CC2D1A: variants seen among roughly 807,000 people sequenced by gnomAD.
CC2D1A encodes the protein coiled-coil and C2 domain containing 1A.
A neutral mutation model predicts 123.8 loss-of-function variants in CC2D1A; 68 were observed. The ratio of observed to expected loss-of-function variants is 0.55; its 90% confidence interval spans 0.45 to 0.67. CC2D1A has a LOEUF of 0.67. Ranked by LOEUF, CC2D1A falls within the 30% of genes least tolerant of loss-of-function variation. The pLI, the probability that CC2D1A is intolerant of heterozygous loss-of-function variation, is 0.00. For missense variants in CC2D1A, 1,185 were observed against 1,290.3 expected (o/e 0.92, Z 1.25); for synonymous variants, 477 against 528.0 (o/e 0.90, Z 1.32).
At position 13,923,194 on chromosome 19, in the gene CC2D1A, A is replaced by G. The variant is rs1945577543; in HGVS notation, c.1642-139A>G. 2.4e-6 allele frequency: 2 copies of G among 847,674 alleles called. No individual in the cohort carries two copies. Among genetic ancestry groups the G allele is most frequent in the Admixed American group, 6.0e-5 (2 of 33,424 alleles). 52.5% of individuals were successfully genotyped at this position (847,674 alleles called of 1,614,324 possible). ...GGCAACAGAGCGAGACTCCATCTCAAAAAAAAAAAAAGACCAGAGAAGGGT... is the reference window on the plus strand; with the variant it reads ...GGCAACAGAGCGAGACTCCATCTCAGAAAAAAAAAAAGACCAGAGAAGGGT... On this transcript the variant is annotated intron_variant, in intron 14 of 28. Transcript: ENST00000318003. This position sits in a 1 kb window ranked among gnomAD's most constrained non-coding sequence, Gnocchi z 5.3.
Position 13,918,784 on chromosome 19 carries a change from C to A in CC2D1A, c.985C>A (p.Pro329Thr). 2 of 1,613,486 alleles carry A rather than the reference C, an allele frequency of 1.2e-6. No homozygotes were observed. Among genetic ancestry groups the A allele is most frequent in the Non-Finnish European group, 1.7e-6 (2 of 1,179,742 alleles). The change falls in exon 9 of 29, where the codon CCT becomes ACT. Residue 329 changes from proline to threonine, a missense_variant. Pro to Thr is a conservative substitution (Grantham distance 38). Coordinates refer to ENST00000318003, the MANE Select transcript of CC2D1A (RefSeq NM_017721.5). ...PPDPPSPPSQ[P>T]PTPATAPSTT... The stretch of plus-strand genomic sequence containing the variant: ...AGACCCACCGTCACCACCGTCGCAG[C>A]CTCCGACCCCCGCTACGGCGCCCTC...
chr19:13,927,783 G>C, intron 22 of CC2D1A, 110 bp from the exon 23 acceptor site: 1 of 890,474 alleles, frequency 1.1e-6, no homozygotes, highest in South Asian at 1.9e-5. Flanking sequence ...CTCTATCTCA[G>C]AAAAAAAAAA....
chr19:13,923,518 C>G lies in CC2D1A; in HGVS notation c.1765-30C>G. On this transcript the variant is annotated intron_variant, in intron 15 of 28. Transcript: ENST00000318003. This position sits in a 1 kb window ranked among gnomAD's most constrained non-coding sequence, Gnocchi z 5.3. ...GACCCTCCTTCCCCTCTCTTCCCTTCCCTCGACTCACTGCCTTCTGTTTCC... is the reference window on the plus strand; with the variant it reads ...GACCCTCCTTCCCCTCTCTTCCCTTGCCTCGACTCACTGCCTTCTGTTTCC... 1 of 1,614,014 alleles carries G rather than the reference C, an allele frequency of 6.2e-7. No individual in the cohort carries two copies. The highest frequency in any genetic ancestry group is 8.5e-7 in the Non-Finnish European group (1 of 1,179,928).
rs773832565 is a variant in CC2D1A, at chr19:13,919,967, C to T, written c.1356+16C>T. 36 of 1,604,324 alleles carry T rather than the reference C, an allele frequency of 2.2e-5. No individual in the cohort carries two copies. Among genetic ancestry groups the T allele is most frequent in the Non-Finnish European group, 2.8e-5 (33 of 1,174,900 alleles). On this transcript the variant is annotated intron_variant, in intron 12 of 28. Transcript: ENST00000318003. The stretch of plus-strand genomic sequence containing the variant: ...GCCTAAGAAGGTTTGAGGGTTGGGG[C>T]CGGGCGCAGTGGCTCACACCTGTAG...
intron 8 of CC2D1A, 56 bp from the exon 9 acceptor site, chr19:13,918,690 C>A: frequency 1.3e-6 from 2 of 1,587,814 alleles, no homozygotes; most frequent in Non-Finnish European, 8.6e-7. Flanking sequence ...GCCAGACCAG[C>A]TTGTCGGGGG....
chr19:13,921,286 C>T (rs1310911665), intron 14 of CC2D1A, among the ~76,000 whole-genome samples: 1 of 152,182 alleles, frequency 6.6e-6, no homozygotes, highest in East Asian at 1.9e-4. Context: ...TATTGCTTGT[C>T]TCCCATTGGC....
Position 13,913,475 on chromosome 19 carries a change from G to T in CC2D1A, c.585G>T (p.Val195=). 1 of 1,614,214 alleles carries T rather than the reference G, an allele frequency of 6.2e-7. No homozygotes were observed. Among genetic ancestry groups the T allele is most frequent in the Non-Finnish European group, 8.5e-7 (1 of 1,180,046 alleles). ...AIDEADIPPP[V]AIGKGPASTP... ...ACGAAGCGGACATCCCGCCGCCAGT[G>T]GCCATAGGAAAAGGCCCGGCGTCCA... The change falls in exon 6 of 29, where the codon GTG becomes GTT. Residue 195 remains valine, a synonymous_variant. Transcript: ENST00000318003.
At chr19:13,915,982 G>C (rs1007321002) in intron 6 of CC2D1A, among the ~76,000 whole-genome samples, 1 of 152,128 alleles carries the variant, frequency 6.6e-6, no homozygotes, top group South Asian at 2.1e-4. Flanking sequence ...GGGGCTGGGC[G>C]TGGTGGTTCA....
chr19:13,925,475 G>A (rs1315969290), intron 17 of CC2D1A, among the ~76,000 whole-genome samples: 1 of 152,066 alleles, frequency 6.6e-6, no homozygotes, highest in African/African-American at 2.4e-5. Context: ...ACCTTCTTAG[G>A]AGGCTGAGGC....
Position 13,919,722 on chromosome 19 carries a change from C to T in CC2D1A, c.1223-96C>T. ...AATTAAAAAAAGTAAAGGCCCAAGA[C>T]TCTATAGGTGGGAGAGGAATCTGCA... is the stretch of plus-strand genomic sequence containing the variant. On this transcript the variant is annotated intron_variant, in intron 11 of 28. Transcript: ENST00000318003. 4 of 1,310,360 alleles carry T rather than the reference C, an allele frequency of 3.1e-6. No homozygotes were observed. In the Admixed American group the frequency reaches 9.6e-5, roughly 31 times the overall value. 81.2% of individuals were successfully genotyped at this position (1,310,360 alleles called of 1,614,324 possible).
At position 13,912,373 on chromosome 19, in the gene CC2D1A, G is replaced by A; in HGVS notation, c.247G>A (p.Asp83Asn). ...IEKMASLCMRDPDEDEEEGTD... is the reference protein window; with the variant it reads ...IEKMASLCMRNPDEDEEEGTD... Reference sequence around the variant, plus strand: ...GAAGATGGCCAGCCTGTGCATGAGAGACCCGGATGAGGATGAGGAGGAGGG... The same window carrying A: ...GAAGATGGCCAGCCTGTGCATGAGAAACCCGGATGAGGATGAGGAGGAGGG... The change falls in exon 3 of 29, where the codon GAC becomes AAC. Residue 83 changes from aspartate (D) to asparagine (N), a missense_variant. By Grantham distance (23) the Asp-to-Asn change is conservative (BLOSUM62 1). Coordinates refer to ENST00000318003, the MANE Select transcript of CC2D1A (RefSeq NM_017721.5). 1 of 1,613,392 alleles carries A rather than the reference G, an allele frequency of 6.2e-7. No individual in the cohort carries two copies. The highest frequency in any genetic ancestry group is 2.2e-5 in the East Asian group (1 of 44,850).
In CC2D1A at chr19:13,918,139, A is replaced by G. The variant is rs757068406; in HGVS notation, c.818A>G (p.His273Arg). ...CGCGACTACAAGCTGGCTGCCCTCC[A>G]CGCCAAGCAGCAGGGAGATACCACT... Reference protein sequence around the residue: ...RQRDYKLAALHAKQQGDTTAA... With the variant: ...RQRDYKLAALRAKQQGDTTAA... Residue 273 changes from histidine to arginine, a missense_variant, in exon 7 of 29, where the codon CAC (histidine) becomes CGC (arginine). By Grantham distance (29) the His-to-Arg change is conservative (BLOSUM62 0). Transcript: ENST00000318003. 4 of 1,610,996 alleles carry G rather than the reference A, an allele frequency of 2.5e-6. No individual in the cohort carries two copies. The South Asian group carries it at 4.4e-5, about 18-fold the overall frequency.
rs533880205 is a variant in CC2D1A, at chr19:13,927,067, G to T, written c.2215G>T (p.Val739Phe). 1 of 1,614,076 alleles carries T rather than the reference G, an allele frequency of 6.2e-7. No individual in the cohort carries two copies. The highest frequency in any genetic ancestry group is 1.1e-5 in the South Asian group (1 of 91,086). ...IQTKGIKFEV[V>F]HKGGLFKTDR... ...GACCAAGGGCATCAAGTTCGAAGTG[G>T]TTCACAAGGGGTGAGCTAGAGAGAG... Residue 739 changes from valine to phenylalanine, a missense_variant, in exon 21 of 29, where the codon GTT becomes TTT. Physicochemically the swap from Val to Phe is conservative, Grantham distance 50. Coordinates refer to ENST00000318003, the MANE Select transcript of CC2D1A (RefSeq NM_017721.5).
chr19:13,924,258 C>A (rs1971514582), intron 17 of CC2D1A, among the ~76,000 whole-genome samples: 1 of 152,078 alleles, frequency 6.6e-6, no homozygotes. Context: ...GCAAGCTCCA[C>A]CTCCTGGATT....
At position 13,919,892 on chromosome 19, in the gene CC2D1A, A is replaced by G; in HGVS notation, c.1297A>G (p.Met433Val). 2 of 1,613,412 alleles carry G rather than the reference A, an allele frequency of 1.2e-6. No individual in the cohort carries two copies. The highest frequency in any genetic ancestry group is 1.7e-6 in the Non-Finnish European group (2 of 1,179,896). The change falls in exon 12 of 29, where the codon ATG becomes GTG. Residue 433 changes from methionine (M) to valine (V), a missense_variant. By Grantham distance (21) the Met-to-Val change is conservative. Transcript: ENST00000318003. ...QSLVGVLETA[M>V]KLANQDEGPE... The stretch of plus-strand genomic sequence containing the variant: ...TCTGGTGGGTGTCCTGGAGACTGCC[A>G]TGAAGCTGGCCAACCAGGATGAAGG...
intron 1 of CC2D1A, among the ~76,000 whole-genome samples, chr19:13,909,057 G>T (rs1332277433): frequency 6.6e-6 from 1 of 152,114 alleles, no homozygotes; most frequent in African/African-American, 2.4e-5. Flanking sequence ...CTCCCGAGTA[G>T]CTGGGACCAC....
Position 13,923,460 on chromosome 19 carries a change from G to A in CC2D1A, c.1764+5G>A. 1 of 1,614,052 alleles carries A rather than the reference G, an allele frequency of 6.2e-7. No homozygotes were observed. The highest frequency in any genetic ancestry group is 8.5e-7 in the Non-Finnish European group (1 of 1,179,990). On this transcript the variant is annotated splice_donor_5th_base_variant and intron_variant, in intron 15 of 28. Coordinates refer to ENST00000318003, the MANE Select transcript of CC2D1A (RefSeq NM_017721.5). The surrounding 1 kb of genome is among the most constrained non-coding windows in gnomAD (Gnocchi z 5.3). ...CTCATACGGCAGCAGCACGAGGTGAGGGGGAGGCCCCCAGCCCATCCCCCA... is the reference window on the plus strand; with the variant it reads ...CTCATACGGCAGCAGCACGAGGTGAAGGGGAGGCCCCCAGCCCATCCCCCA...
intron 12 of CC2D1A, 155 bp from the exon 13 acceptor site, chr19:13,920,402 G>A (rs1599393908): frequency 1.3e-5 from 8 of 606,408 alleles, no homozygotes; most frequent in Non-Finnish European, 2.0e-5. Context: ...AAAAAAAGGT[G>A]TTTGGGGCCA....
chr19:13,920,217 C>G (rs545039064), intron 12 of CC2D1A: 2 of 509,664 alleles, frequency 3.9e-6, no homozygotes, highest in Non-Finnish European at 6.9e-6. Context: ...TGCCACTGTA[C>G]GCCAGTCTGG....
Sources: gnomAD v4.1 joint callset for allele counts (sites outside exome capture counted in the v4.1 genomes callset) on GRCh38, gnomAD v4.1.1 for gene constraint, Gnocchi (gnomAD v3.1) non-coding constraint, MANE v1.5 for transcripts, NCBI Gene and HGNC (gene_info 2026-07-23, HGNC 2026-07-21) for gene names.